The following DGKB variants were observed in gnomAD, a reference collection of about 807,000 sequenced individuals.
DGKB encodes 90 kDa diacylglycerol kinase.
In DGKB, 67 loss-of-function variants were observed where a neutral mutation model predicts 114.3. The ratio of observed to expected loss-of-function variants is 0.59; its 90% CI spans 0.48 to 0.72. DGKB has a LOEUF of 0.72. DGKB is among the 30% of genes least tolerant of loss of function. The pLI is 0.00. For synonymous variants in DGKB, 398 were observed against 323.1 expected (o/e 1.23, Z -2.49); for missense variants, 907 against 975.2 (o/e 0.93, Z 0.93).
chr7:14,654,990 G>A (rs62443683), intron 13 of DGKB, among the ~76,000 whole-genome samples: 1 of 151,848 alleles, frequency 6.6e-6, no homozygotes, highest in African/African-American at 2.4e-5. Flanking sequence ...TATGGATAAG[G>A]TTACAAAGGC....
intron 20 of DGKB, among the ~76,000 whole-genome samples, chr7:14,556,151 T>C (rs532804976): frequency 6.6e-6 from 1 of 152,338 alleles, no homozygotes; most frequent in East Asian, 1.9e-4. Context: ...TATTCAAGCC[T>C]TATTTTATAA....
chr7:14,930,139 T>G (rs1294848896), intron 1 of DGKB, among the ~76,000 whole-genome samples: 1 of 152,184 alleles, frequency 6.6e-6, no homozygotes. Context: ...TATAGCATAA[T>G]TTGAGGTCAG....
intron 23 of DGKB, among the ~76,000 whole-genome samples, chr7:14,196,979 G>C (rs1785122381): frequency 6.6e-6 from 1 of 152,242 alleles, no homozygotes; most frequent in African/African-American, 2.4e-5. Context: ...TAATCGTAGT[G>C]TGAAAAGTAG....
chr7:14,904,808 T>C (rs976246888), upstream of DGKB, among the ~76,000 whole-genome samples: 6 of 152,168 alleles, frequency 3.9e-5, no homozygotes, highest in African/African-American at 1.2e-4. Flanking sequence ...ATTAATATTA[T>C]TAACAGTCTG....
intron 20 of DGKB, among the ~76,000 whole-genome samples, chr7:14,542,293 G>A (rs1288011013): frequency 6.6e-6 from 1 of 152,048 alleles, no homozygotes; most frequent in African/African-American, 2.4e-5. Context: ...CAAAGTGCTG[G>A]TGCAAGCCAG....
chr7:14,421,567 C>G (rs1465863493), intron 21 of DGKB, among the ~76,000 whole-genome samples: 5 of 152,012 alleles, frequency 3.3e-5, no homozygotes, highest in Non-Finnish European at 5.9e-5. Flanking sequence ...ATTCAAATGT[C>G]AATTGCCTCT....
chr7:14,471,211 T>TATATACATATATATGTATGGA (rs1781268571), intron 21 of DGKB, among the ~76,000 whole-genome samples: 1 of 131,860 alleles, frequency 7.6e-6, no homozygotes, highest in South Asian at 2.2e-4. Context: ...AATATATGTA[T>TATATACATATATATGTATGGA]ATATACATAT....
chr7:14,290,305 T>C (rs981514304), intron 23 of DGKB, among the ~76,000 whole-genome samples: 1 of 152,148 alleles, frequency 6.6e-6, no homozygotes, highest in African/African-American at 2.4e-5. Flanking sequence ...GAATGACTGA[T>C]TGAAATTTTT....
intron 22 of DGKB, among the ~76,000 whole-genome samples, chr7:14,342,287 A>C (rs1015566361): frequency 6.6e-6 from 1 of 151,830 alleles, no homozygotes; most frequent in African/African-American, 2.4e-5. Context: ...AAAAGACTGA[A>C]ATATCTATAG....
At chr7:14,251,276 T>C (rs933685038) in intron 23 of DGKB, among the ~76,000 whole-genome samples, 1 of 152,172 alleles carries the variant, frequency 6.6e-6, no homozygotes, top group African/African-American at 2.4e-5. Flanking sequence ...CATTTCTCTT[T>C]TGTGTATCTA....
chr7:14,418,271 T>G (rs1449964717), intron 21 of DGKB, among the ~76,000 whole-genome samples: 2 of 142,714 alleles, frequency 1.4e-5, no homozygotes, highest in Middle Eastern at 3.3e-3. Flanking sequence ...TATGTATATA[T>G]ATTTTATATA....
At chr7:14,954,783 T>C (rs1041542091) in intron 1 of DGKB, among the ~76,000 whole-genome samples, 1 of 152,104 alleles carries the variant, frequency 6.6e-6, no homozygotes, top group African/African-American at 2.4e-5. Flanking sequence ...ACCTACTATA[T>C]AGCCAAGTGG....
intron 9 of DGKB, among the ~76,000 whole-genome samples, chr7:14,688,419 T>A (rs1185248474): frequency 1.3e-5 from 2 of 152,164 alleles, no homozygotes; most frequent in East Asian, 3.9e-4. Context: ...GTGTGAGGTT[T>A]CATTATACAA....
At chr7:14,940,783 ATTT>A in intron 1 of DGKB, among the ~76,000 whole-genome samples, 1 of 149,550 alleles carries the variant, frequency 6.7e-6, no homozygotes, top group African/African-American at 2.4e-5. Flanking sequence ...TTATTTATTT[ATTT>A]TTTATTTTTT....
chr7:14,685,585 T>A (rs1821540971), intron 9 of DGKB, among the ~76,000 whole-genome samples: 1 of 152,112 alleles, frequency 6.6e-6, no homozygotes, highest in Non-Finnish European at 1.5e-5. Context: ...CCACAAATCC[T>A]TGTCTAATAT....
At chr7:14,845,310 A>G (rs1299869727) in intron 1 of DGKB, among the ~76,000 whole-genome samples, 1 of 152,086 alleles carries the variant, frequency 6.6e-6, no homozygotes, top group Non-Finnish European at 1.5e-5. Flanking sequence ...CCATCCCTTC[A>G]TTCATTTTTT....
chr7:14,477,804 A>C (rs1273923785), intron 21 of DGKB, among the ~76,000 whole-genome samples: 1 of 152,176 alleles, frequency 6.6e-6, no homozygotes, highest in Non-Finnish European at 1.5e-5. Context: ...TAGCATTATC[A>C]AATCAGAACC....
chr7:14,662,372 T>G (rs1405568343), intron 13 of DGKB, among the ~76,000 whole-genome samples: 4 of 151,976 alleles, frequency 2.6e-5, no homozygotes, highest in African/African-American at 9.7e-5. Context: ...AAATATTTAA[T>G]CATTATTTTC....
intron 21 of DGKB, among the ~76,000 whole-genome samples, chr7:14,347,303 A>T (rs1010304817): frequency 1.3e-5 from 2 of 152,046 alleles, no homozygotes; most frequent in African/African-American, 4.8e-5. Flanking sequence ...AGCACTGGCA[A>T]GGGTGTGGAC....
Sources: allele counts gnomAD v4.1 joint callset (sites outside exome capture counted in the v4.1 genomes callset), GRCh38; gene constraint gnomAD v4.1.1; transcripts MANE v1.5; gene names NCBI Gene and HGNC (gene_info 2026-07-23, HGNC 2026-07-21).